PRDM16: variants seen among roughly 807,000 people sequenced by gnomAD.
The protein encoded by PRDM16 is PR/SET domain 16, also known as histone-lysine N-methyltransferase PRDM16.
In PRDM16, 23 loss-of-function variants were observed where a neutral mutation model predicts 110.6. The ratio of observed to expected loss-of-function variants is 0.21; its 90% CI spans 0.15 to 0.29. PRDM16 has a LOEUF of 0.29. PRDM16 is among the 10% of genes least tolerant of loss of function. PRDM16 has a pLI of 1.00. For missense variants in PRDM16, 1,615 were observed against 1,794.3 expected (o/e 0.90, Z 1.81); for synonymous variants, 799 against 781.8 (o/e 1.02, Z -0.37).
In PRDM16 at chr1:3,213,855, C is replaced by G. The variant is rs1049310693; in HGVS notation, c.387+27381C>G. On this transcript the variant is annotated intron_variant, in intron 2 of 16. Transcript: ENST00000270722. The surrounding 1 kb of genome is among the most constrained non-coding windows in gnomAD (Gnocchi z 5.3). ...GCCTTCCCAGGAGGCCTTGCCACCC[C>G]CCATTAATCCTGCAATTCCAGATCA... is the stretch of plus-strand genomic sequence containing the variant. Among the ~76,000 whole-genome samples the G allele has an allele frequency of 9.2e-5, 14 of 152,138 alleles. No homozygotes were observed. Among genetic ancestry groups the G allele is most frequent in the Non-Finnish European group, 1.6e-4 (11 of 68,024 alleles).
In PRDM16 at chr1:3,118,874, G is replaced by A. The variant is rs529787497; in HGVS notation, c.37+49578G>A. Reference sequence around the variant, plus strand: ...GACACAGGGCCCGAGGCACCTCTGTGCCCAAGTGGGACTGAAGACTCCCAT... The same window carrying A: ...GACACAGGGCCCGAGGCACCTCTGTACCCAAGTGGGACTGAAGACTCCCAT... On this transcript the variant is annotated intron_variant, in intron 1 of 16. Transcript: ENST00000270722. 3.9e-5 allele frequency among the ~76,000 whole-genome samples: 6 copies of A among 152,372 alleles called. No individual in the cohort carries two copies. In the South Asian group the frequency reaches 1.0e-3, roughly 26 times the overall value.
At chr1:3,196,006 G>C (rs533869903) in intron 2 of PRDM16, among the ~76,000 whole-genome samples, 1 of 152,326 alleles carries the variant, frequency 6.6e-6, no homozygotes, top group Non-Finnish European at 1.5e-5. Flanking sequence ...TCTGACAGGG[G>C]AACCCGGGGC....
intron 2 of PRDM16, among the ~76,000 whole-genome samples, chr1:3,233,158 G>A (rs1416553643): frequency 6.6e-6 from 1 of 152,240 alleles, no homozygotes; most frequent in Non-Finnish European, 1.5e-5. Flanking sequence ...CTGCCCTGGA[G>A]GAGTGCCAGT....
chr1:3,431,192 C>T lies in PRDM16; in HGVS notation c.3521+84C>T, dbSNP rs373368356. 5.1e-5 allele frequency: 77 copies of T among 1,498,152 alleles called. No homozygotes were observed. The East Asian group carries it at 1.4e-3, about 27-fold the overall frequency. 92.8% of individuals were successfully genotyped at this position (1,498,152 alleles called of 1,614,324 possible). A position where few individuals can be genotyped will look rare whatever the true frequency, so the allele number is the denominator to read the frequency against. ...AGGGGGACCTCCCTCTTCAGCCACT[C>T]GTGAGCCCATCCCTGGCTCAGCCCC... is the stretch of plus-strand genomic sequence containing the variant. On this transcript the variant is annotated intron_variant, in intron 15 of 16. Coordinates refer to ENST00000270722, the MANE Select transcript of PRDM16 (RefSeq NM_022114.4).
chr1:3,229,215 A>G (rs539811747), intron 2 of PRDM16, among the ~76,000 whole-genome samples: 28 of 152,280 alleles, frequency 1.8e-4, no homozygotes, highest in Middle Eastern at 3.4e-3. Flanking sequence ...ACTGGTGGAT[A>G]TTCCCCCAGG....
intron 12 of PRDM16, among the ~76,000 whole-genome samples, chr1:3,420,266 A>G (rs1029097436): frequency 6.6e-6 from 1 of 152,060 alleles, no homozygotes; most frequent in African/African-American, 2.4e-5. Context: ...TCCTTTTGAT[A>G]CCACTGGTGG....
chr1:3,373,093 G>A lies in PRDM16; in HGVS notation c.439-12059G>A, dbSNP rs201763118. ...GATGCTTCCACCTCGTAAGGAGCAG[G>A]ACACCCAGTGGGGCGGGGCTGAGCT... On this transcript the variant is annotated intron_variant, in intron 3 of 16. Coordinates refer to ENST00000270722, the MANE Select transcript of PRDM16 (RefSeq NM_022114.4). 7.5e-4 allele frequency among the ~76,000 whole-genome samples: 114 copies of A among 152,320 alleles called. 1 individual carries two copies. The East Asian group carries it at 0.012, about 16-fold the overall frequency.
chr1:3,100,341 T>C (rs1642502270), intron 1 of PRDM16, among the ~76,000 whole-genome samples: 1 of 152,226 alleles, frequency 6.6e-6, no homozygotes, highest in African/African-American at 2.4e-5. Flanking sequence ...CTTTAGCTCC[T>C]GTCTTTAGGT....
intron 1 of PRDM16, among the ~76,000 whole-genome samples, chr1:3,118,860 C>T (rs1030326514): frequency 2.0e-5 from 3 of 152,206 alleles, no homozygotes; most frequent in Non-Finnish European, 4.4e-5. Context: ...ACACAGGGCC[C>T]GAGGCACCTC....
chr1:3,205,136 C>G (rs1638725751), intron 2 of PRDM16, among the ~76,000 whole-genome samples: 1 of 150,972 alleles, frequency 6.6e-6, no homozygotes, highest in East Asian at 2.0e-4. Flanking sequence ...GGCGGGGCTG[C>G]TCTCAGAGTA....
chr1:3,088,783 A>ATTAT (rs1342232653), intron 1 of PRDM16, among the ~76,000 whole-genome samples: 1 of 137,220 alleles, frequency 7.3e-6, no homozygotes, highest in Non-Finnish European at 1.6e-5. Flanking sequence ...ATTATTATTT[A>ATTAT]TTATTTATTT....
intron 1 of PRDM16, among the ~76,000 whole-genome samples, chr1:3,133,415 G>A (rs1643374195): frequency 6.6e-6 from 1 of 152,256 alleles, no homozygotes; most frequent in African/African-American, 2.4e-5. Context: ...ATGGGGCTCG[G>A]CCTCCCGAAG....
intron 3 of PRDM16, among the ~76,000 whole-genome samples, chr1:3,332,565 T>A (rs193197484): frequency 9.3e-4 from 142 of 152,266 alleles, no homozygotes; most frequent in African/African-American, 3.3e-3. Flanking sequence ...TTTTTTTTTA[T>A]TGTGGCAAAA....
rs957256082 is a variant in PRDM16 at position 3,336,996 on chromosome 1, C to T, written c.439-48156C>T. Among the ~76,000 whole-genome samples the T allele has an allele frequency of 3.2e-5, 4 of 124,406 alleles. No homozygotes were observed. In the East Asian group the frequency reaches 7.9e-4, roughly 25 times the overall value. 81.6% of individuals were successfully genotyped at this position (124,406 alleles called of 152,430 possible). On this transcript the variant is annotated intron_variant, in intron 3 of 16. Transcript: ENST00000270722. Reference sequence around the variant, plus strand: ...ATGTGTTGGTGTGAATCTGTGTGTGCATGCATGCATGCACATGTGTGTTGG... The same window carrying T: ...ATGTGTTGGTGTGAATCTGTGTGTGTATGCATGCATGCACATGTGTGTTGG...
intron 5 of PRDM16, among the ~76,000 whole-genome samples, chr1:3,401,617 G>A (rs965365980): frequency 2.6e-5 from 4 of 151,508 alleles, no homozygotes; most frequent in African/African-American, 7.2e-5. Flanking sequence ...AACACACAAT[G>A]TGCGTGTTCA....
intron 1 of PRDM16, among the ~76,000 whole-genome samples, chr1:3,106,966 C>T (rs1181405422): frequency 6.6e-6 from 1 of 152,226 alleles, no homozygotes; most frequent in Non-Finnish European, 1.5e-5. Flanking sequence ...GGGGGCCAGC[C>T]TTTCTCTCCC....
chr1:3,151,813 A>T (rs1291255546), intron 1 of PRDM16, among the ~76,000 whole-genome samples: 1 of 152,090 alleles, frequency 6.6e-6, no homozygotes, highest in Non-Finnish European at 1.5e-5. Context: ...GTCAGCTTTC[A>T]CCCTGGGACT....
At chr1:3,385,930 C>T (rs1010162979) in intron 4 of PRDM16, among the ~76,000 whole-genome samples, 7 of 152,230 alleles carry the variant, frequency 4.6e-5, no homozygotes, top group African/African-American at 1.7e-4. Context: ...TCCACACCAC[C>T]ACCAGAACAG....
chr1:3,167,865 C>CCT (rs1458052115), intron 1 of PRDM16, among the ~76,000 whole-genome samples: 1 of 3,872 alleles, frequency 2.6e-4, no homozygotes, highest in Non-Finnish European at 5.7e-4. Context: ...GCATCGCCCC[C>CCT]GCTCCTGCCA....
Sources: allele counts gnomAD v4.1 joint callset (sites outside exome capture counted in the v4.1 genomes callset), GRCh38; gene constraint gnomAD v4.1.1; non-coding constraint Gnocchi (gnomAD v3.1); transcripts MANE v1.5; gene names NCBI Gene and HGNC (gene_info 2026-07-23, HGNC 2026-07-21).